Variants in LMNB2 observed in about 807,000 individuals in gnomAD.
LMNB2 encodes the protein lamin-B2.
A neutral mutation model predicts 69.3 loss-of-function variants in LMNB2; 17 were observed. The observed-to-expected ratio is 0.25, with a 90% CI of 0.17 to 0.37. LMNB2 has a LOEUF of 0.37. Ranked by LOEUF, LMNB2 falls within the 10% of genes least tolerant of loss-of-function variation. The pLI is 1.00. For missense variants in LMNB2, 789 were observed against 883.6 expected (o/e 0.89, Z 1.36); for synonymous variants, 397 against 389.3 (o/e 1.02, Z -0.23).
In LMNB2 at chr19:2,432,407, A is replaced by G; in HGVS notation, c.1590+9T>C. The G allele has an allele frequency of 7.5e-7, 1 of 1,340,274 alleles. No homozygotes were observed. The highest frequency in any genetic ancestry group is 9.8e-7 in the Non-Finnish European group (1 of 1,025,410). 83.0% of individuals were successfully genotyped at this position (1,340,274 alleles called of 1,614,324 possible). On this transcript the variant is annotated intron_variant, in intron 9 of 11. Transcript: ENST00000325327. ...GTGGCCACCCTCGCCCTCCTGCCCC[A>G]CCACCTACCGTGACCATCTGGCCGG...
At chr19:2,435,982 CTA>C (rs1971817717) in intron 4 of LMNB2, among the ~76,000 whole-genome samples, 1 of 151,832 alleles carries the variant, frequency 6.6e-6, no homozygotes, top group South Asian at 2.1e-4. Flanking sequence ...AACCCCATCT[CTA>C]TTAAAAATAC....
intron 1 of LMNB2, among the ~76,000 whole-genome samples, chr19:2,449,757 G>A (rs1971999206): frequency 6.6e-6 from 1 of 150,760 alleles, no homozygotes; most frequent in East Asian, 2.0e-4. Flanking sequence ...AGCCTGGGTG[G>A]TACAGAGAGA....
intron 2 of LMNB2, among the ~76,000 whole-genome samples, chr19:2,442,768 C>T (rs184102211): frequency 6.6e-6 from 1 of 152,174 alleles, no homozygotes; most frequent in Non-Finnish European, 1.5e-5. Flanking sequence ...ACGGGCCTCT[C>T]TGTAGATGCC....
chr19:2,428,670 C>T lies in LMNB2; in HGVS notation c.*2241G>A, dbSNP rs556459488. 1 of 152,406 alleles carries T rather than the reference C, an allele frequency of 6.6e-6. No individual in the cohort carries two copies. Among genetic ancestry groups the T allele is most frequent in the Non-Finnish European group, 1.5e-5 (1 of 68,078 alleles). The allele number at this position is 152,406 out of a possible 1,614,324, so 9.4% of individuals were successfully genotyped here. ...GCAGGGAGGGCGCTAGGCTTCGAGT[C>T]ACACGGCACGGGCTTACACAGAGGG... On this transcript the variant is annotated 3_prime_UTR_variant, in exon 12 of 12. Transcript: ENST00000325327.
rs1047718696 is a variant in LMNB2, at chr19:2,438,596, AG to A, written c.402-66del. On this transcript the variant is annotated intron_variant, in intron 2 of 11. Transcript: ENST00000325327. ...TCCATGGGGCCACAGGGAGCACCTC[AG>A]GGGGCGTCAGGCAAGCCCAAAGACA... 2.9e-5 allele frequency: 45 copies of A among 1,561,188 alleles called. No homozygotes were observed. The African/African-American group carries it at 5.7e-4, about 20-fold the overall frequency.
At chr19:2,431,726 G>GGGCCCAGACCC in intron 10 of LMNB2, 57 bp downstream of exon 10, 1 of 1,613,636 alleles carries the variant, frequency 6.2e-7, no homozygotes. Flanking sequence ...GGCCCCGAGG[G>GGGCCCAGACCC]TGCCCAGACC....
chr19:2,437,454 C>T (rs2145453008), intron 4 of LMNB2, among the ~76,000 whole-genome samples: 1 of 152,354 alleles, frequency 6.6e-6, no homozygotes, highest in Non-Finnish European at 1.5e-5. Flanking sequence ...AGGGTGGGAA[C>T]ACCAAGCTTT....
intron 2 of LMNB2, among the ~76,000 whole-genome samples, chr19:2,442,932 C>T (rs1352534515): frequency 1.3e-5 from 2 of 152,176 alleles, no homozygotes; most frequent in African/African-American, 4.8e-5. Context: ...GCGCCTGGTG[C>T]GGGGCCAGCA....
At chr19:2,442,604 G>A (rs1971910533) in intron 2 of LMNB2, among the ~76,000 whole-genome samples, 1 of 152,080 alleles carries the variant, frequency 6.6e-6, no homozygotes, top group Non-Finnish European at 1.5e-5. Flanking sequence ...AAAATTAGTT[G>A]GGTGTAGTGG....
rs529580248 is a variant in LMNB2 at position 2,438,631 on chromosome 19, G to A, written c.402-100C>T. ...AGGCAAGCCCAAAGACAAGGTCACC[G>A]AGGCCTCCGAGCCCCAGACCTTCCC... On this transcript the variant is annotated intron_variant, in intron 2 of 11. Coordinates refer to ENST00000325327, the MANE Select transcript of LMNB2 (RefSeq NM_032737.4). The A allele has an allele frequency of 5.6e-5, 80 of 1,417,406 alleles. No homozygotes were observed. The African/African-American group carries it at 6.9e-4, about 12-fold the overall frequency. 87.8% of individuals were successfully genotyped at this position (1,417,406 alleles called of 1,614,324 possible).
At position 2,436,427 on chromosome 19, in the gene LMNB2, G is replaced by T. The variant is rs962751271; in HGVS notation, c.685-1256C>A. Among the ~76,000 whole-genome samples, 7 of 137,620 alleles carry T rather than the reference G, an allele frequency of 5.1e-5. No individual in the cohort carries two copies. The East Asian group carries it at 1.9e-3, about 37-fold the overall frequency. The allele number at this position is 137,620 out of a possible 152,430, so 90.3% of individuals were successfully genotyped here. The stretch of plus-strand genomic sequence containing the variant: ...AAAACAAAACAAAAACAGTAGAAAC[G>T]CTTCTGAAGGAAGCTGGCCACCTTT... On this transcript the variant is annotated intron_variant, in intron 4 of 11. Transcript: ENST00000325327.
chr19:2,445,082 T>C (rs1971940159), intron 1 of LMNB2, among the ~76,000 whole-genome samples: 1 of 152,120 alleles, frequency 6.6e-6, no homozygotes, highest in Non-Finnish European at 1.5e-5. Flanking sequence ...CTGGGCACCA[T>C]GGACACTGGG....
At position 2,439,035 on chromosome 19, in the gene LMNB2, C is replaced by CTTTTTTTTT. The variant is rs397945879; in HGVS notation, c.402-513_402-505dup. ...CCAGTGTGGATTGTAGGCACTTAAG[C>CTTTTTTTTT]TTTTTTTTTTTTTTTTTTTTTTTTT... is the stretch of plus-strand genomic sequence containing the variant. On this transcript the variant is annotated intron_variant, in intron 2 of 11. Coordinates refer to ENST00000325327, the MANE Select transcript of LMNB2 (RefSeq NM_032737.4). Among the ~76,000 whole-genome samples, 78 of 65,710 alleles carry CTTTTTTTTT rather than the reference C, an allele frequency of 1.2e-3. 5 individuals are homozygous for CTTTTTTTTT. The highest frequency in any genetic ancestry group is 5.0e-3 in the African/African-American group (77 of 15,418). 43.1% of individuals were successfully genotyped at this position (65,710 alleles called of 152,430 possible). A position where few individuals can be genotyped will look rare whatever the true frequency, so the allele number is the denominator to read the frequency against.
chr19:2,437,898 C>T (rs1031124764), intron 4 of LMNB2, among the ~76,000 whole-genome samples: 1 of 152,166 alleles, frequency 6.6e-6, no homozygotes, highest in Non-Finnish European at 1.5e-5. Context: ...TCTGGATGAT[C>T]CAGGCAGGCC....
chr19:2,432,398 T>A lies in LMNB2; in HGVS notation c.1590+18A>T. On this transcript the variant is annotated intron_variant, in intron 9 of 11. Transcript: ENST00000325327. ...ACCCCATCCGTGGCCACCCTCGCCC[T>A]CCTGCCCCACCACCTACCGTGACCA... 1 of 1,223,770 alleles carries A rather than the reference T, an allele frequency of 8.2e-7. No individual in the cohort carries two copies. Among genetic ancestry groups the A allele is most frequent in the Non-Finnish European group, 1.0e-6 (1 of 956,190 alleles). The allele number at this position is 1,223,770 out of a possible 1,614,324, so 75.8% of individuals were successfully genotyped here.
At position 2,435,127 on chromosome 19, in the gene LMNB2, C is replaced by T. The variant is rs745334996; in HGVS notation, c.729G>A (p.Glu243=). Residue 243 remains glutamate, a synonymous_variant, in exon 5 of 12, where the codon GAG becomes GAA. Transcript: ENST00000325327. ...ACTCCTGCTGCCGGCTGCTGTCCAC[C>T]TCCACCAGGCGCCGCTCGTGCCGCC... The part of the protein sequence containing the change: ...TRRRHERRLV[E]VDSSRQQEYD... 8.1e-6 allele frequency: 13 copies of T among 1,607,180 alleles called. No homozygotes were observed. The highest frequency in any genetic ancestry group is 1.1e-5 in the Non-Finnish European group (13 of 1,179,712).
chr19:2,454,958 C>T (rs988857413), intron 1 of LMNB2, among the ~76,000 whole-genome samples: 1 of 152,074 alleles, frequency 6.6e-6, no homozygotes, highest in Admixed American at 6.6e-5. Flanking sequence ...CCTCGGGGCC[C>T]ATTCAGAACC....
At chr19:2,432,375 C>T (rs1470670697) in intron 9 of LMNB2, 41 bp downstream of exon 9, 2 of 1,505,982 alleles carry the variant, frequency 1.3e-6, no homozygotes, top group African/African-American at 2.8e-5. Context: ...CACCTCACAC[C>T]CCATCCGTGG....
In LMNB2 at chr19:2,431,887, C is replaced by T. The variant is rs368160143; in HGVS notation, c.1606G>A (p.Ala536Thr). 53 of 1,611,952 alleles carry T rather than the reference C, an allele frequency of 3.3e-5. No homozygotes were observed. Among genetic ancestry groups the T allele is most frequent in the Non-Finnish European group, 4.4e-5 (52 of 1,179,856 alleles). Residue 536 changes from alanine to threonine, a missense_variant, in exon 10 of 12, where the codon GCG becomes ACG. Coordinates refer to ENST00000325327, the MANE Select transcript of LMNB2 (RefSeq NM_032737.4). ...GQMVTVWAAG[A>T]GVAHSPPSTL... Reference sequence around the variant, plus strand: ...GAGGGGGGGCTGTGGGCCACCCCCGCACCAGCTGCCCACACCTGAGGACCC... The same window carrying T: ...GAGGGGGGGCTGTGGGCCACCCCCGTACCAGCTGCCCACACCTGAGGACCC...
Sources: allele counts gnomAD v4.1 joint callset (sites outside exome capture counted in the v4.1 genomes callset), GRCh38; gene constraint gnomAD v4.1.1; transcripts MANE v1.5; gene names NCBI Gene and HGNC (gene_info 2026-07-23, HGNC 2026-07-21).